The following CENPP variants were observed in gnomAD, a reference collection of about 807,000 sequenced individuals.
CENPP encodes the protein centromere protein P.
In CENPP, 24 loss-of-function variants were observed where a neutral mutation model predicts 35.6. The observed-to-expected ratio is 0.67, with a 90% CI of 0.49 to 0.95. CENPP has a LOEUF of 0.95. Ranked by LOEUF, CENPP falls within the 40% of genes least tolerant of loss-of-function variation. The pLI, the probability that CENPP is intolerant of heterozygous loss-of-function variation, is 0.00. For synonymous variants in CENPP, 120 were observed against 125.5 expected (o/e 0.96, Z 0.29); for missense variants, 332 against 345.3 (o/e 0.96, Z 0.31).
At chr9:92,460,743 A>G (rs1845077685) in intron 5 of CENPP, among the ~76,000 whole-genome samples, 1 of 152,052 alleles carries the variant, frequency 6.6e-6, no homozygotes, top group South Asian at 2.1e-4. Flanking sequence ...GTGCCGTGAT[A>G]TCAGCTTACT....
intron 5 of CENPP, among the ~76,000 whole-genome samples, chr9:92,544,855 A>G (rs1415339669): frequency 6.6e-6 from 1 of 151,822 alleles, no homozygotes; most frequent in Admixed American, 6.6e-5. Flanking sequence ...AGCTGGGAGT[A>G]CAGGCGCATG....
chr9:92,546,738 A>G (rs1849466360), intron 5 of CENPP, among the ~76,000 whole-genome samples: 1 of 152,186 alleles, frequency 6.6e-6, no homozygotes, highest in South Asian at 2.1e-4. Flanking sequence ...TGCACACAAT[A>G]CTATGAACAA....
intron 5 of CENPP, among the ~76,000 whole-genome samples, chr9:92,528,835 T>C (rs983707005): frequency 6.6e-6 from 1 of 152,136 alleles, no homozygotes; most frequent in African/African-American, 2.4e-5. Flanking sequence ...CCAATGTAAA[T>C]TTACCAGGTA....
At chr9:92,546,748 A>G (rs1485240124) in intron 5 of CENPP, among the ~76,000 whole-genome samples, 1 of 152,172 alleles carries the variant, frequency 6.6e-6, no homozygotes, top group Non-Finnish European at 1.5e-5. Context: ...ACTATGAACA[A>G]TTTTATGCTA....
chr9:92,474,538 T>C, intron 5 of CENPP: 4 of 1,505,514 alleles, frequency 2.7e-6, no homozygotes, highest in Non-Finnish European at 3.5e-6. Flanking sequence ...AGATTATTTT[T>C]GAAATTTCAA....
intron 5 of CENPP, among the ~76,000 whole-genome samples, chr9:92,528,682 T>G (rs1162846616): frequency 6.6e-6 from 1 of 152,136 alleles, no homozygotes. Flanking sequence ...GAGCATTAGC[T>G]CAGTAGAGGA....
At chr9:92,374,755 T>C (rs1842087777) in intron 4 of CENPP, among the ~76,000 whole-genome samples, 1 of 152,236 alleles carries the variant, frequency 6.6e-6, no homozygotes, top group South Asian at 2.1e-4. Flanking sequence ...AATACAGTGA[T>C]ACTTTCTTCA....
chr9:92,345,291 C>A (rs144156200), intron 3 of CENPP, among the ~76,000 whole-genome samples: 4,629 of 150,804 alleles, frequency 0.031, 106 homozygotes, highest in South Asian at 0.079. Context: ...TTGAGACCAT[C>A]CTGGCCGACA....
At chr9:92,514,583 T>C in intron 5 of CENPP, 3 of 1,523,166 alleles carry the variant, frequency 2.0e-6, no homozygotes, top group Non-Finnish European at 2.6e-6. Context: ...CTGCTAAGAG[T>C]CATTTACTTT....
chr9:92,379,523 G>A (rs928735237), intron 4 of CENPP, among the ~76,000 whole-genome samples: 18 of 152,214 alleles, frequency 1.2e-4, no homozygotes, highest in African/African-American at 3.6e-4. Flanking sequence ...GCATTTGAGT[G>A]ATTTAAATAA....
intron 5 of CENPP, among the ~76,000 whole-genome samples, chr9:92,586,741 G>A (rs558460659): frequency 6.2e-4 from 95 of 152,024 alleles, no homozygotes; most frequent in African/African-American, 2.1e-3. Context: ...TCTCCATCAG[G>A]TCACTGGCTT....
intron 5 of CENPP, among the ~76,000 whole-genome samples, chr9:92,607,209 T>TA (rs59697574): frequency 0.21 from 32,516 of 152,128 alleles, 4,494 homozygotes; most frequent in East Asian, 0.66. Flanking sequence ...TTGTTTTTTT[T>TA]ATCATGTGAA....
intron 5 of CENPP, among the ~76,000 whole-genome samples, chr9:92,601,284 TAA>T (rs1207966553): frequency 2.0e-5 from 3 of 152,216 alleles, no homozygotes; most frequent in South Asian, 2.1e-4. Flanking sequence ...TCAAAAGATT[TAA>T]AAGTCAGGCA....
At chr9:92,400,701 G>T (rs1843077308) in intron 5 of CENPP, among the ~76,000 whole-genome samples, 1 of 152,278 alleles carries the variant, frequency 6.6e-6, no homozygotes, top group Non-Finnish European at 1.5e-5. Context: ...AAATGTATGT[G>T]TAATTATTGA....
At chr9:92,596,274 C>T (rs1158260094) in intron 5 of CENPP, among the ~76,000 whole-genome samples, 1 of 151,930 alleles carries the variant, frequency 6.6e-6, no homozygotes, top group Admixed American at 6.6e-5. Flanking sequence ...GCTAGGGCTA[C>T]AGGCACACAC....
chr9:92,386,115 A>G (rs1842409162), intron 5 of CENPP: 2 of 1,026,530 alleles, frequency 1.9e-6, no homozygotes, highest in African/African-American at 3.2e-5. Context: ...CAAAATTTGT[A>G]TGTGAATAAG....
intron 5 of CENPP, among the ~76,000 whole-genome samples, chr9:92,588,811 G>A (rs548956540): frequency 1.3e-5 from 2 of 152,262 alleles, no homozygotes; most frequent in Admixed American, 1.3e-4. Context: ...CCTGGAAGAA[G>A]CTCCAATATT....
intron 5 of CENPP, among the ~76,000 whole-genome samples, chr9:92,439,335 A>G (rs533386937): frequency 1.3e-5 from 2 of 152,218 alleles, no homozygotes; most frequent in East Asian, 1.9e-4. Flanking sequence ...AATTTTTTTC[A>G]GTAAATTTAA....
intron 5 of CENPP, chr9:92,393,119 T>TA (rs773527714): frequency 6.2e-7 from 1 of 1,613,688 alleles, no homozygotes; most frequent in Non-Finnish European, 8.5e-7. Context: ...GTCAGCTTTT[T>TA]AATTTTGTTG....
Sources: gnomAD v4.1 joint callset for allele counts (sites outside exome capture counted in the v4.1 genomes callset) on GRCh38, gnomAD v4.1.1 for gene constraint, MANE v1.5 for transcripts, NCBI Gene and HGNC (gene_info 2026-07-23, HGNC 2026-07-21) for gene names.